The following ATAD3A variants were observed in gnomAD, a reference collection of about 807,000 sequenced individuals.
The protein encoded by ATAD3A is ATPase family AAA domain containing 3A.
ATAD3A carries 46 observed loss-of-function variants against 73.8 expected under a neutral mutation model. The observed-to-expected ratio is 0.62, with a 90% CI of 0.49 to 0.80. ATAD3A has a LOEUF of 0.80. Ranked by LOEUF, ATAD3A falls within the 30% of genes least tolerant of loss-of-function variation. The pLI is 0.00. For missense variants in ATAD3A, 705 were observed against 838.0 expected (o/e 0.84, Z 1.96); for synonymous variants, 319 against 350.0 (o/e 0.91, Z 0.99).
Position 1,527,714 on chromosome 1 carries a change from A to G in ATAD3A, c.1357A>G (p.Ser453Gly). ...HSNKFMLVLA[S>G]NQPEQFDWAI... Reference sequence around the variant, plus strand: ...CCGCAGGTTCATGCTGGTCCTGGCCAGCAACCAACCAGAGCAGTTCGACTG... The same window carrying G: ...CCGCAGGTTCATGCTGGTCCTGGCCGGCAACCAACCAGAGCAGTTCGACTG... The change falls in exon 14 of 16, where the codon AGC (serine) becomes GGC (glycine). Residue 453 changes from serine (S) to glycine (G), a missense_variant. Physicochemically the swap from Ser to Gly is moderately conservative, Grantham distance 56 (BLOSUM62 0). Transcript: ENST00000378756. 1 of 1,612,972 alleles carries G rather than the reference A, an allele frequency of 6.2e-7. No individual in the cohort carries two copies. Among genetic ancestry groups the G allele is most frequent in the Admixed American group, 1.7e-5 (1 of 59,904 alleles).
chr1:1,522,875 T>G lies in ATAD3A; in HGVS notation c.882T>G (p.Leu294=), dbSNP rs28675990. 68,055 of 1,596,262 alleles carry G rather than the reference T, an allele frequency of 0.043. 8,995 individuals are homozygous for G. The highest frequency in any genetic ancestry group is 0.35 in the East Asian group (14,895 of 43,052). The part of the protein sequence containing the change: ...LVRETSRITV[L]EALRHPIQVS... ...GGGAGACGTCCCGCATCACGGTGCT[T>G]GAGGCGCTGCGGCACCCCATCCAGG... Residue 294 remains leucine, a synonymous_variant, in exon 8 of 16, where the codon CTT becomes CTG. Transcript: ENST00000378756.
At chr1:1,533,501 T>G (rs1570363565) in intron 15 of ATAD3A, among the ~76,000 whole-genome samples, 1 of 152,074 alleles carries the variant, frequency 6.6e-6, no homozygotes, top group Admixed American at 6.5e-5. Flanking sequence ...TGCCTCAAGG[T>G]GGGCAGTGGC....
rs1391602436 is a variant in ATAD3A at position 1,526,534 on chromosome 1, G to A, written c.1337+3G>A. 1 of 1,612,468 alleles carries A rather than the reference G, an allele frequency of 6.2e-7. No individual in the cohort carries two copies. Among genetic ancestry groups the A allele is most frequent in the East Asian group, 2.2e-5 (1 of 44,870 alleles). On this transcript the variant is annotated splice_donor_region_variant and intron_variant, in intron 13 of 15. Coordinates refer to ENST00000378756, the MANE Select transcript of ATAD3A (RefSeq NM_001170535.3). ...CGCACGGGCCAGCACAGCAACAAGT[G>A]AGGGAGCCCCTCGGGTCCTGGGCCC...
At position 1,525,331 on chromosome 1, in the gene ATAD3A, G is replaced by C. The variant is rs200878842; in HGVS notation, c.1266+40G>C. 386 of 1,613,060 alleles carry C rather than the reference G, an allele frequency of 2.4e-4. 3 individuals carry two copies. In the African/African-American group the frequency reaches 4.3e-3, roughly 18 times the overall value. On this transcript the variant is annotated intron_variant, in intron 12 of 15. Transcript: ENST00000378756. ...GCCTCTGGCCACAATGGGGTGGTGG[G>C]GTGGGCACAGCCGTCTGCCTGGGCC...
chr1:1,523,787 A>T lies in ATAD3A; in HGVS notation c.964-52A>T. ...GGCATTCCCGCAGCCCCTTCCCCTG[A>T]GGCTTCCATGGGTGCACAGTGTCTC... On this transcript the variant is annotated intron_variant, in intron 9 of 15. Coordinates refer to ENST00000378756, the MANE Select transcript of ATAD3A (RefSeq NM_001170535.3). This position sits in a 1 kb window ranked among gnomAD's most constrained non-coding sequence, Gnocchi z 5.1. The T allele has an allele frequency of 1.2e-6, 2 of 1,612,022 alleles. 1 individual carries two copies. The highest frequency in any genetic ancestry group is 2.2e-5 in the South Asian group (2 of 91,020).
chr1:1,512,965 C>G (rs1641248692), intron 1 of ATAD3A, among the ~76,000 whole-genome samples: 1 of 152,206 alleles, frequency 6.6e-6, no homozygotes, highest in Non-Finnish European at 1.5e-5. Context: ...ATTTGCACGG[C>G]GAGGTCTGTG....
chr1:1,533,792 C>G, intron 15 of ATAD3A, 134 bp from the exon 16 acceptor site: 2 of 1,277,842 alleles, frequency 1.6e-6, no homozygotes, highest in Non-Finnish European at 2.1e-6. Flanking sequence ...TGCCGAGGTG[C>G]GGGAAGCCTG....
chr1:1,512,605 C>T (rs1395842722), intron 1 of ATAD3A, 132 bp downstream of exon 1: 1 of 1,410,142 alleles, frequency 7.1e-7, no homozygotes, highest in African/African-American at 1.5e-5. Context: ...CCGGAGCACC[C>T]CCGGCCGGAG....
intron 13 of ATAD3A, 122 bp downstream of exon 13, chr1:1,526,653 A>C: frequency 1.3e-6 from 2 of 1,551,550 alleles, no homozygotes; most frequent in Admixed American, 4.1e-5. Context: ...TGGCCTCAAC[A>C]TGCCCACCTC....
rs887647667 is a variant in ATAD3A at position 1,529,081 on chromosome 1, G to A, written c.1506-142G>A. On this transcript the variant is annotated intron_variant, in intron 14 of 15. Transcript: ENST00000378756. ...GCCTGGCCTGCAGCAGGGAGGATGT[G>A]GAGCTGGGCTGTCAGAAGTAGAGAG... 6 of 1,300,444 alleles carry A rather than the reference G, an allele frequency of 4.6e-6. No individual in the cohort carries two copies. In the African/African-American group the frequency reaches 7.3e-5, roughly 16 times the overall value. The allele number at this position is 1,300,444 out of a possible 1,614,324, so 80.6% of individuals were successfully genotyped here.
At chr1:1,526,289 G>A (rs1641840108) in intron 12 of ATAD3A, among the ~76,000 whole-genome samples, 172 bp from the exon 13 acceptor site, 1 of 152,026 alleles carries the variant, frequency 6.6e-6, no homozygotes. Context: ...CCAAAATCCA[G>A]GTTACATTCG....
chr1:1,521,571 G>C (rs28628019), intron 7 of ATAD3A, among the ~76,000 whole-genome samples: 5 of 152,334 alleles, frequency 3.3e-5, no homozygotes, highest in Admixed American at 2.6e-4. Flanking sequence ...CCGGCGCCCA[G>C]AGCTGTGACT....
At chr1:1,518,577 ACACACACCCGCACATGGG>A (rs1641460893) in intron 4 of ATAD3A, among the ~76,000 whole-genome samples, 3 of 111,312 alleles carry the variant, frequency 2.7e-5, no homozygotes, top group African/African-American at 7.6e-5. Context: ...AGGGACACAC[ACACACACCCGCACATGGG>A]CACACACCCA....
At position 1,521,230 on chromosome 1, in the gene ATAD3A, C is replaced by T. The variant is rs557424459; in HGVS notation, c.750+613C>T. Among the ~76,000 whole-genome samples, 78 of 125,840 alleles carry T rather than the reference C, an allele frequency of 6.2e-4. 1 individual carries two copies. The highest frequency in any genetic ancestry group is 5.1e-3 in the Admixed American group (51 of 10,070). 82.6% of individuals were successfully genotyped at this position (125,840 alleles called of 152,430 possible). A position where few individuals can be genotyped will look rare whatever the true frequency, so the allele number is the denominator to read the frequency against. On this transcript the variant is annotated intron_variant, in intron 7 of 15. Coordinates refer to ENST00000378756, the MANE Select transcript of ATAD3A (RefSeq NM_001170535.3). ...AGGAGAATCACCTGAACCCGGGAGG[C>T]GGAGCTTGCAGTGAGTCGAGATCAC...
Position 1,520,744 on chromosome 1 carries a change from C to G in ATAD3A, c.750+127C>G. ...GTAGCTCTCCCAGCAGGGAGGAAGC[C>G]CACGTTGTACCTGCTGGCCTCGGCT... On this transcript the variant is annotated intron_variant, in intron 7 of 15. Transcript: ENST00000378756. The surrounding 1 kb of genome is among the most constrained non-coding windows in gnomAD (Gnocchi z 4.0). 7.0e-7 allele frequency: 1 copy of G among 1,430,124 alleles called. No homozygotes were observed. Among genetic ancestry groups the G allele is most frequent in the Non-Finnish European group, 9.6e-7 (1 of 1,045,580 alleles). 88.6% of individuals were successfully genotyped at this position (1,430,124 alleles called of 1,614,324 possible).
chr1:1,523,005 A>T lies in ATAD3A; in HGVS notation c.906+106A>T. The stretch of plus-strand genomic sequence containing the variant: ...CCTCCCGTCCCTTCCCTTTCCCCGG[A>T]TAACGGGCACCCGCACACTGCTTCA... On this transcript the variant is annotated intron_variant, in intron 8 of 15. Coordinates refer to ENST00000378756, the MANE Select transcript of ATAD3A (RefSeq NM_001170535.3). This position sits in a 1 kb window ranked among gnomAD's most constrained non-coding sequence, Gnocchi z 5.1. 3.3e-6 allele frequency: 5 copies of T among 1,512,138 alleles called. No homozygotes were observed. The highest frequency in any genetic ancestry group is 3.5e-6 in the Non-Finnish European group (4 of 1,127,342). 93.7% of individuals were successfully genotyped at this position (1,512,138 alleles called of 1,614,324 possible).
At chr1:1,529,819 C>T (rs1381274699) in intron 15 of ATAD3A, among the ~76,000 whole-genome samples, 1 of 152,190 alleles carries the variant, frequency 6.6e-6, no homozygotes, top group Non-Finnish European at 1.5e-5. Context: ...TCGGGGACAC[C>T]CCTCCTGCAG....
chr1:1,518,616 T>TAC (rs796571620), intron 4 of ATAD3A, among the ~76,000 whole-genome samples: 6 of 49,696 alleles, frequency 1.2e-4, no homozygotes, highest in African/African-American at 9.7e-4. Flanking sequence ...CACACGGGCG[T>TAC]ACACACCCCC....
At chr1:1,531,502 G>A (rs1375650413) in intron 15 of ATAD3A, among the ~76,000 whole-genome samples, 3 of 150,574 alleles carry the variant, frequency 2.0e-5, no homozygotes, top group African/African-American at 4.9e-5. Context: ...GGACGGGCGC[G>A]GTGGCTCATG....
Sources: allele counts gnomAD v4.1 joint callset (sites outside exome capture counted in the v4.1 genomes callset), GRCh38; gene constraint gnomAD v4.1.1; non-coding constraint Gnocchi (gnomAD v3.1); transcripts MANE v1.5; gene names NCBI Gene and HGNC (gene_info 2026-07-23, HGNC 2026-07-21).